RAPGEF2: variants seen among roughly 807,000 people sequenced by gnomAD.
The protein encoded by RAPGEF2 is Rap guanine nucleotide exchange factor 2.
A neutral mutation model predicts 186.7 loss-of-function variants in RAPGEF2; 54 were observed. The observed-to-expected ratio is 0.29, with a 90% CI of 0.23 to 0.36. The LOEUF is 0.36. RAPGEF2 is among the 10% of genes least tolerant of loss of function. RAPGEF2 has a pLI of 1.00. For missense variants in RAPGEF2, 1,532 were observed against 2,045.0 expected (o/e 0.75, Z 4.84); for synonymous variants, 712 against 705.9 (o/e 1.01, Z -0.14).
intron 4 of RAPGEF2, among the ~76,000 whole-genome samples, chr4:159,212,910 T>TA (rs1181313017): frequency 3.9e-5 from 6 of 152,198 alleles, no homozygotes; most frequent in Non-Finnish European, 7.3e-5. Flanking sequence ...AAAGGGAACT[T>TA]AATGTTCAGA....
chr4:159,358,073 C>A, intron 29 of RAPGEF2, 41 bp from the exon 30 acceptor site: 1 of 1,599,662 alleles, frequency 6.3e-7, no homozygotes. Context: ...AAATTACTTG[C>A]TTGCTCATTG....
rs193045626 is a variant in RAPGEF2, at chr4:159,251,447, A to G, written c.543+7656A>G. On this transcript the variant is annotated intron_variant, in intron 7 of 29. Transcript: ENST00000691494. ...TAGCTGGAGGATTGTATATGTACCA[A>G]TCAGCACTCTGTGTCTAGCTCAGGG... Among the ~76,000 whole-genome samples, 18 of 152,346 alleles carry G rather than the reference A, an allele frequency of 1.2e-4. No homozygotes were observed. In the East Asian group the frequency reaches 2.5e-3, roughly 21 times the overall value.
intron 7 of RAPGEF2, among the ~76,000 whole-genome samples, chr4:159,265,133 G>A (rs746875720): frequency 9.9e-5 from 15 of 152,096 alleles, no homozygotes; most frequent in Non-Finnish European, 2.1e-4. Context: ...TCTTTCTAGT[G>A]CCCTTTCCCA....
intron 7 of RAPGEF2, among the ~76,000 whole-genome samples, chr4:159,279,278 G>C (rs904542276): frequency 6.6e-6 from 1 of 152,190 alleles, no homozygotes; most frequent in African/African-American, 2.4e-5. Flanking sequence ...GCCATTGGCA[G>C]GTTTTTCTTG....
intron 1 of RAPGEF2, among the ~76,000 whole-genome samples, chr4:159,106,161 A>T (rs1270368920): frequency 2.6e-5 from 4 of 152,382 alleles, no homozygotes; most frequent in Admixed American, 2.6e-4. Flanking sequence ...TGAAAGCTTT[A>T]TTGACAGTCG....
chr4:159,204,397 C>G (rs147802124), intron 3 of RAPGEF2, among the ~76,000 whole-genome samples: 1 of 152,248 alleles, frequency 6.6e-6, no homozygotes, highest in East Asian at 1.9e-4. Context: ...AGCAGCCTGT[C>G]AGGAGCAGCA....
At chr4:159,271,490 T>C (rs559967817) in intron 7 of RAPGEF2, among the ~76,000 whole-genome samples, 1 of 152,332 alleles carries the variant, frequency 6.6e-6, no homozygotes, top group African/African-American at 2.4e-5. Flanking sequence ...ATATTACATA[T>C]TATCTCAATT....
chr4:159,139,110 A>G (rs1255294184), intron 1 of RAPGEF2, among the ~76,000 whole-genome samples: 1 of 152,214 alleles, frequency 6.6e-6, no homozygotes, highest in Non-Finnish European at 1.5e-5. Context: ...GTCACATGCC[A>G]GATATTTTTG....
intron 7 of RAPGEF2, among the ~76,000 whole-genome samples, chr4:159,246,670 A>G (rs1754658010): frequency 1.3e-5 from 2 of 152,188 alleles, no homozygotes. Context: ...GTGATTGTGC[A>G]CATTTATTTG....
chr4:159,264,546 A>G lies in RAPGEF2; in HGVS notation c.543+20755A>G, dbSNP rs575841935. Among the ~76,000 whole-genome samples the G allele has an allele frequency of 9.2e-5, 14 of 152,244 alleles. No individual in the cohort carries two copies. In the South Asian group the frequency reaches 2.5e-3, roughly 27 times the overall value. ...TGGAAGGTGTAGAACTTGATTGTTTAATCCCTGAGTTGCCATTTACTTTTT... is the reference window on the plus strand; with the variant it reads ...TGGAAGGTGTAGAACTTGATTGTTTGATCCCTGAGTTGCCATTTACTTTTT... On this transcript the variant is annotated intron_variant, in intron 7 of 29. Coordinates refer to ENST00000691494, the MANE Select transcript of RAPGEF2 (RefSeq NM_001394067.2).
rs1019294259 is a variant in RAPGEF2, at chr4:159,167,052, C to T, written c.70-19590C>T. 2.6e-5 allele frequency among the ~76,000 whole-genome samples: 4 copies of T among 151,836 alleles called. No homozygotes were observed. In the East Asian group the frequency reaches 5.8e-4, roughly 22 times the overall value. On this transcript the variant is annotated intron_variant, in intron 1 of 29. Coordinates refer to ENST00000691494, the MANE Select transcript of RAPGEF2 (RefSeq NM_001394067.2). ...TACATGGTGAAAGAAGAGAAGGCCC[C>T]GAAATGACCATGGCATAGAAAATAG...
intron 7 of RAPGEF2, among the ~76,000 whole-genome samples, chr4:159,299,036 C>A (rs1203864015): frequency 6.6e-6 from 1 of 152,130 alleles, no homozygotes; most frequent in East Asian, 1.9e-4. Context: ...AATATACTTA[C>A]TCCACCTTGT....
chr4:159,210,513 G>A lies in RAPGEF2; in HGVS notation c.211G>A (p.Gly71Arg). Residue 71 changes from glycine to arginine, a missense_variant, in exon 4 of 30, where the codon GGG (glycine) becomes AGG (arginine). By Grantham distance (125) the Gly-to-Arg change is moderately radical. Around this residue, in one of 4 missense-constraint regions of RAPGEF2, gnomAD observed 810 missense variants for 1,210.5 expected, o/e 0.67. Coordinates refer to ENST00000691494, the MANE Select transcript of RAPGEF2 (RefSeq NM_001394067.2). ...NEVLYYPDDI[G>R]TCWYILLSGS... The stretch of plus-strand genomic sequence containing the variant: ...TTTTCTTTTCAGCCCTGATGATATT[G>A]GGACCTGCTGGTATATCCTTCTTTC... 1 of 1,533,332 alleles carries A rather than the reference G, an allele frequency of 6.5e-7. No homozygotes were observed. Among genetic ancestry groups the A allele is most frequent in the South Asian group, 1.2e-5 (1 of 83,920 alleles). 95.0% of individuals were successfully genotyped at this position (1,533,332 alleles called of 1,614,324 possible).
intron 11 of RAPGEF2, chr4:159,327,302 C>T (rs1420303202): frequency 6.6e-6 from 1 of 152,112 alleles, no homozygotes; most frequent in Admixed American, 6.5e-5. Flanking sequence ...TCATATAGTA[C>T]TTTCATGGGC....
At chr4:159,343,471 A>G (rs1450848012) in intron 22 of RAPGEF2, 67 bp downstream of exon 22, 1 of 1,569,642 alleles carries the variant, frequency 6.4e-7, no homozygotes, top group African/African-American at 1.4e-5. Context: ...TTCCCAATAA[A>G]TGATTTTTTT....
chr4:159,275,440 G>C (rs1353278272), intron 7 of RAPGEF2, among the ~76,000 whole-genome samples: 1 of 151,982 alleles, frequency 6.6e-6, no homozygotes, highest in Non-Finnish European at 1.5e-5. Flanking sequence ...TATTGACTTG[G>C]TTTGATTATT....
Position 159,340,706 on chromosome 4 carries a change from CAT to C in RAPGEF2, c.2535-857_2535-856del, listed in dbSNP as rs1554040733. On this transcript the variant is annotated intron_variant, in intron 19 of 29. Transcript: ENST00000691494. ...ACACACACACACACACACACACACACATTTATGGAATTTTCACAGAGAAAGCA... is the reference window on the plus strand; with the variant it reads ...ACACACACACACACACACACACACACTTATGGAATTTTCACAGAGAAAGCA... Among the ~76,000 whole-genome samples, 504 of 144,264 alleles carry C rather than the reference CAT, an allele frequency of 3.5e-3. 52 individuals carry two copies. The highest frequency in any genetic ancestry group is 0.012 in the African/African-American group (466 of 37,450). 94.6% of individuals were successfully genotyped at this position (144,264 alleles called of 152,430 possible).
intron 7 of RAPGEF2, among the ~76,000 whole-genome samples, chr4:159,301,900 T>C (rs557914957): frequency 5.3e-5 from 8 of 152,316 alleles, no homozygotes; most frequent in South Asian, 4.1e-4. Context: ...TTCTATTGTT[T>C]GTAACACCTA....
chr4:159,325,177 T>G (rs1449136496), intron 11 of RAPGEF2, among the ~76,000 whole-genome samples: 2 of 151,360 alleles, frequency 1.3e-5, no homozygotes, highest in African/African-American at 4.8e-5. Context: ...ATGAGCACCA[T>G]AGAGGAAAAA....
Sources: allele counts gnomAD v4.1 joint callset (sites outside exome capture counted in the v4.1 genomes callset), GRCh38; gene constraint gnomAD v4.1.1; regional missense constraint gnomAD v4.1.1; transcripts MANE v1.5; gene names NCBI Gene and HGNC (gene_info 2026-07-23, HGNC 2026-07-21).